The following SLC2A5 variants were observed in gnomAD, a reference collection of about 807,000 sequenced individuals.
SLC2A5 encodes the protein solute carrier family 2 member 5.
A neutral mutation model predicts 50.3 loss-of-function variants in SLC2A5; 56 were observed. The observed-to-expected ratio is 1.11, with a 90% CI of 0.90 to 1.39. The LOEUF (loss-of-function observed/expected upper bound fraction) is 1.39, where lower values mean the gene tolerates loss of function less well. Ranked by LOEUF, SLC2A5 falls within the 40% of genes most tolerant of loss-of-function variation. SLC2A5 has a pLI of 0.00. For missense variants in SLC2A5, 566 were observed against 650.1 expected (o/e 0.87, Z 1.41); for synonymous variants, 269 against 281.9 (o/e 0.95, Z 0.46).
At chr1:9,063,805 C>T (rs1241265917) in intron 1 of SLC2A5, among the ~76,000 whole-genome samples, 1 of 140,142 alleles carries the variant, frequency 7.1e-6, no homozygotes, top group Non-Finnish European at 1.5e-5. Context: ...ACGCCATTCT[C>T]CTGCCTCAGC....
intron 2 of SLC2A5, among the ~76,000 whole-genome samples, chr1:9,084,654 A>G (rs1483708110): frequency 2.6e-5 from 4 of 152,140 alleles, no homozygotes; most frequent in African/African-American, 9.7e-5. Flanking sequence ...TCCAGATAAC[A>G]TATCTTGCAT....
At chr1:9,039,024 C>A (rs1165482642) in intron 8 of SLC2A5, 95 bp from the exon 9 acceptor site, 4 of 1,429,704 alleles carry the variant, frequency 2.8e-6, no homozygotes, top group Non-Finnish European at 3.8e-6. Context: ...GCTGGGCGGA[C>A]CGGGTGCCCA....
At chr1:9,038,062 C>A (rs370588099) in intron 10 of SLC2A5, 38 bp from the exon 11 acceptor site, 80 of 1,607,488 alleles carry the variant, frequency 5.0e-5, no homozygotes, top group Non-Finnish European at 6.7e-5. Flanking sequence ...GAAGGCAGAG[C>A]GGGCCCGAGC....
rs1353782962 is a variant in SLC2A5 at position 9,049,268 on chromosome 1, C to T, written c.294-1534G>A. ...GTGAGAGCCGCTTATACTAACAGCA[C>T]ACCTTCAGACAACAGAATCAGACTG... On this transcript the variant is annotated intron_variant, in intron 3 of 11. Transcript: ENST00000377424. 2.5e-5 allele frequency: 11 copies of T among 442,008 alleles called. No individual in the cohort carries two copies. In the East Asian group the frequency reaches 7.0e-4, roughly 28 times the overall value. The allele number at this position is 442,008 out of a possible 1,614,324, so 27.4% of individuals were successfully genotyped here.
intron 2 of SLC2A5, among the ~76,000 whole-genome samples, chr1:9,076,774 T>G (rs1167007384): frequency 6.6e-6 from 1 of 151,980 alleles, no homozygotes; most frequent in Admixed American, 6.6e-5. Flanking sequence ...CAGCAATAGT[T>G]ACAAGTGTGG....
intron 1 of SLC2A5, among the ~76,000 whole-genome samples, chr1:9,059,265 C>T (rs1039663875): frequency 6.7e-6 from 1 of 149,792 alleles, no homozygotes; most frequent in African/African-American, 2.5e-5. Context: ...GCCTTAGCCT[C>T]CCAAATAGCT....
At chr1:9,093,301 C>T (rs1011694110), upstream of SLC2A5, among the ~76,000 whole-genome samples, 12 of 152,162 alleles carry the variant, frequency 7.9e-5, no homozygotes, top group African/African-American at 2.9e-4. Context: ...CTGGTTTCAT[C>T]ATTTTTCTCT....
At chr1:9,071,375 A>T (rs915222085), upstream of SLC2A5, among the ~76,000 whole-genome samples, 1 of 152,064 alleles carries the variant, frequency 6.6e-6, no homozygotes, top group Non-Finnish European at 1.5e-5. Context: ...ACACCACTGC[A>T]CTCCAGCCTG....
chr1:9,046,167 G>A lies in SLC2A5; in HGVS notation c.418+1443C>T, dbSNP rs557069771. Among the ~76,000 whole-genome samples, 18 of 145,526 alleles carry A rather than the reference G, an allele frequency of 1.2e-4. No individual in the cohort carries two copies. In the South Asian group the frequency reaches 3.1e-3, roughly 25 times the overall value. On this transcript the variant is annotated intron_variant, in intron 4 of 11. Coordinates refer to ENST00000377424, the MANE Select transcript of SLC2A5 (RefSeq NM_003039.3). ...AAAGTGACTGGAGGGAGGCAGTGAGGCACCTGGGAGGGGCTCCCTCAAGGG... is the reference window on the plus strand; with the variant it reads ...AAAGTGACTGGAGGGAGGCAGTGAGACACCTGGGAGGGGCTCCCTCAAGGG...
chr1:9,073,816 G>A (rs879830961), upstream of SLC2A5, among the ~76,000 whole-genome samples: 11 of 152,160 alleles, frequency 7.2e-5, no homozygotes, highest in Middle Eastern at 3.2e-3. Context: ...GGCCGGGCGC[G>A]GTGGCTCACG....
At chr1:9,064,720 C>A (rs1642035719) in intron 1 of SLC2A5, among the ~76,000 whole-genome samples, 1 of 152,094 alleles carries the variant, frequency 6.6e-6, no homozygotes, top group Non-Finnish European at 1.5e-5. Context: ...ATTAGCCTAA[C>A]AATGCCATAC....
upstream of SLC2A5, among the ~76,000 whole-genome samples, chr1:9,070,853 T>G (rs1168506662): frequency 6.6e-6 from 1 of 151,610 alleles, no homozygotes; most frequent in African/African-American, 2.4e-5. Flanking sequence ...TGTGTGTGTG[T>G]TGGGGGGTCG....
chr1:9,053,473 TATATATATTATATATTTATATATA>T (rs1332183082), intron 3 of SLC2A5, among the ~76,000 whole-genome samples: 1 of 53,472 alleles, frequency 1.9e-5, no homozygotes, highest in East Asian at 4.7e-4. Flanking sequence ...TATATATATT[TATATATATTATATATTTATATATA>T]ATATATATTA....
chr1:9,062,769 G>A (rs1398315114), intron 1 of SLC2A5, among the ~76,000 whole-genome samples: 1 of 152,170 alleles, frequency 6.6e-6, no homozygotes, highest in African/African-American at 2.4e-5. Flanking sequence ...CTAGTAGGGA[G>A]GCTAAGGCAG....
At chr1:9,060,238 CCCCCCATGT>C (rs1641892821) in intron 1 of SLC2A5, among the ~76,000 whole-genome samples, 2 of 133,272 alleles carry the variant, frequency 1.5e-5, no homozygotes, top group East Asian at 4.9e-4. Flanking sequence ...TACACACACA[CCCCCCATGT>C]ACACACACTA....
chr1:9,079,336 CAG>C (rs145677657), intron 2 of SLC2A5, among the ~76,000 whole-genome samples: 1,889 of 152,220 alleles, frequency 0.012, 23 homozygotes, highest in Middle Eastern at 0.024. Flanking sequence ...CCTCGCCTAT[CAG>C]AGAGTGCACG....
At position 9,039,536 on chromosome 1, in the gene SLC2A5, C is replaced by A. The variant is rs774533678; in HGVS notation, c.996+16G>T. 4 of 1,541,184 alleles carry A rather than the reference C, an allele frequency of 2.6e-6. No individual in the cohort carries two copies. Among genetic ancestry groups the A allele is most frequent in the Non-Finnish European group, 3.5e-6 (4 of 1,139,542 alleles). ...GGCCTTGGGTGGAGGCTGTGGGCAG[C>A]TCCCAGGACACTCACGGCGCAGAAG... On this transcript the variant is annotated intron_variant, in intron 8 of 11. Transcript: ENST00000377424.
At chr1:9,066,640 A>C (rs1642090882) in intron 1 of SLC2A5, among the ~76,000 whole-genome samples, 1 of 152,028 alleles carries the variant, frequency 6.6e-6, no homozygotes, top group Non-Finnish European at 1.5e-5. Context: ...CCTGGCAGAA[A>C]GTCCTTGGTG....
At chr1:9,072,793 T>C (rs1160581519), upstream of SLC2A5, among the ~76,000 whole-genome samples, 1 of 112,088 alleles carries the variant, frequency 8.9e-6, no homozygotes, top group Non-Finnish European at 1.9e-5. Context: ...CTACTAAAAA[T>C]GCCAAAAAAA....
Sources: gnomAD v4.1 joint callset for allele counts (sites outside exome capture counted in the v4.1 genomes callset) on GRCh38, gnomAD v4.1.1 for gene constraint, MANE v1.5 for transcripts, NCBI Gene and HGNC (gene_info 2026-07-23, HGNC 2026-07-21) for gene names.